The following EML4 variants were observed in gnomAD, a reference collection of about 807,000 sequenced individuals.
The protein encoded by EML4 is EMAP like 4.
In EML4, 72 loss-of-function variants were observed where a neutral mutation model predicts 129.0. The observed-to-expected ratio is 0.56, with a 90% confidence interval of 0.46 to 0.68. The LOEUF (loss-of-function observed/expected upper bound fraction) is 0.68. Among genes scored for constraint, EML4 ranks in the 30% least tolerant of loss-of-function variants. EML4 has a pLI of 0.00. For missense variants in EML4, 1,363 were observed against 1,190.6 expected (o/e 1.14, Z -2.13); for synonymous variants, 532 against 405.0 (o/e 1.31, Z -3.77).
At position 42,301,505 on chromosome 2, in the gene EML4, A is replaced by G. The variant is rs1668285605; in HGVS notation, c.1641+113A>G. 3.5e-6 allele frequency: 3 copies of G among 849,868 alleles called. No homozygotes were observed. In the South Asian group the frequency reaches 8.1e-5, roughly 23 times the overall value. The allele number at this position is 849,868 out of a possible 1,614,324, so 52.6% of individuals were successfully genotyped here. ...AAACTTATTAAATTCTTATAATTTC[A>G]TTTCCTTTCCTCAAGAAAGGAGTTT... On this transcript the variant is annotated intron_variant, in intron 14 of 22. Coordinates refer to ENST00000318522, the MANE Select transcript of EML4 (RefSeq NM_019063.5).
At chr2:42,181,186 G>C (rs1203091697) in intron 1 of EML4, among the ~76,000 whole-genome samples, 1 of 152,184 alleles carries the variant, frequency 6.6e-6, no homozygotes, top group Non-Finnish European at 1.5e-5. Context: ...GCTGGTAGTT[G>C]ATAGCTATTT....
intron 6 of EML4, among the ~76,000 whole-genome samples, chr2:42,275,923 C>A (rs576291880): frequency 1.3e-5 from 2 of 152,276 alleles, no homozygotes; most frequent in South Asian, 4.1e-4. Flanking sequence ...CTGCTTTGAT[C>A]AGTCCCATCG....
At chr2:42,211,108 T>G (rs181234055) in intron 1 of EML4, among the ~76,000 whole-genome samples, 2 of 152,200 alleles carry the variant, frequency 1.3e-5, no homozygotes, top group African/African-American at 4.8e-5. Context: ...TAACATTGAT[T>G]GAAATACCTA....
At chr2:42,265,815 T>G (rs1371652938) in intron 6 of EML4, among the ~76,000 whole-genome samples, 1 of 152,230 alleles carries the variant, frequency 6.6e-6, no homozygotes, top group Non-Finnish European at 1.5e-5. Context: ...TTATATTGAT[T>G]GTAACTTCTG....
chr2:42,215,912 A>G (rs1015770523), intron 1 of EML4, among the ~76,000 whole-genome samples: 6 of 151,838 alleles, frequency 4.0e-5, no homozygotes, highest in African/African-American at 1.5e-4. Flanking sequence ...GGAGAAACTC[A>G]TTTATCTTTT....
chr2:42,325,967 A>T (rs115941253), intron 20 of EML4, 187 bp from the exon 21 acceptor site: 1 of 466,740 alleles, frequency 2.1e-6, no homozygotes, highest in Non-Finnish European at 2.8e-6. Flanking sequence ...CTTCCATGGG[A>T]AACAGTTTGT....
intron 1 of EML4, among the ~76,000 whole-genome samples, chr2:42,225,502 T>G (rs1427641675): frequency 6.6e-6 from 1 of 152,172 alleles, no homozygotes; most frequent in Non-Finnish European, 1.5e-5. Flanking sequence ...AAGTATATTT[T>G]CACATTTAGT....
chr2:42,294,477 C>CTT (rs1667833235), intron 11 of EML4, among the ~76,000 whole-genome samples: 1 of 152,190 alleles, frequency 6.6e-6, no homozygotes, highest in African/African-American at 2.4e-5. Context: ...GGGCGGATGA[C>CTT]TTGAGGTCAG....
chr2:42,284,960 G>A (rs1033958698), intron 9 of EML4, among the ~76,000 whole-genome samples: 2 of 152,054 alleles, frequency 1.3e-5, no homozygotes, highest in Admixed American at 6.5e-5. Context: ...AAACTGATAC[G>A]CTCGTTACAT....
chr2:42,248,942 T>C (rs1160225875), intron 2 of EML4, among the ~76,000 whole-genome samples: 1 of 152,178 alleles, frequency 6.6e-6, no homozygotes, highest in East Asian at 1.9e-4. Flanking sequence ...AATAGTGATA[T>C]TAAGACATTG....
In EML4 at chr2:42,203,784, G is replaced by A. The variant is rs531048940; in HGVS notation, c.25+34148G>A. Among the ~76,000 whole-genome samples, 11 of 151,838 alleles carry A rather than the reference G, an allele frequency of 7.2e-5. No homozygotes were observed. The East Asian group carries it at 2.1e-3, about 29-fold the overall frequency. On this transcript the variant is annotated intron_variant, in intron 1 of 22. Coordinates refer to ENST00000318522, the MANE Select transcript of EML4 (RefSeq NM_019063.5). The stretch of plus-strand genomic sequence containing the variant: ...CACATGTATAGGCACAAAAAGGCCT[G>A]GACCTCAACAGTTTGATAGGGAAAG...
At chr2:42,205,141 A>G (rs1458332291) in intron 1 of EML4, among the ~76,000 whole-genome samples, 1 of 152,230 alleles carries the variant, frequency 6.6e-6, no homozygotes, top group Non-Finnish European at 1.5e-5. Flanking sequence ...AGGGTTCTCA[A>G]CAAAGATGAT....
intron 17 of EML4, among the ~76,000 whole-genome samples, chr2:42,305,798 A>T (rs1668565939): frequency 6.6e-6 from 1 of 152,186 alleles, no homozygotes; most frequent in Non-Finnish European, 1.5e-5. Flanking sequence ...GAACATGCTT[A>T]TGTAAATATT....
At chr2:42,244,514 T>G (rs553661256) in intron 1 of EML4, among the ~76,000 whole-genome samples, 1 of 152,248 alleles carries the variant, frequency 6.6e-6, no homozygotes, top group Non-Finnish European at 1.5e-5. Context: ...CTAAGCCTTA[T>G]TTGAATAGTC....
chr2:42,228,098 A>G (rs1010130677), intron 1 of EML4, among the ~76,000 whole-genome samples: 1 of 152,068 alleles, frequency 6.6e-6, no homozygotes. Context: ...TCACGCACCT[A>G]TAATCCCAGC....
chr2:42,280,641 A>G (rs562514419), intron 6 of EML4, among the ~76,000 whole-genome samples: 22 of 152,352 alleles, frequency 1.4e-4, no homozygotes, highest in African/African-American at 5.3e-4. Flanking sequence ...TTGAGCATCC[A>G]TGGATTTGGG....
At chr2:42,185,898 G>A (rs1219416776) in intron 1 of EML4, among the ~76,000 whole-genome samples, 1 of 152,174 alleles carries the variant, frequency 6.6e-6, no homozygotes, top group Non-Finnish European at 1.5e-5. Flanking sequence ...GTTTTCTTCA[G>A]TAGTGGGATA....
chr2:42,223,763 T>C (rs1056051456), intron 1 of EML4, among the ~76,000 whole-genome samples: 1 of 152,126 alleles, frequency 6.6e-6, no homozygotes, highest in Non-Finnish European at 1.5e-5. Context: ...TTTGGACAAT[T>C]TGAATAAATA....
chr2:42,271,633 A>G (rs7564734), intron 6 of EML4, among the ~76,000 whole-genome samples: 59,336 of 151,862 alleles, frequency 0.39, 14,780 homozygotes, highest in African/African-American at 0.71. Flanking sequence ...TCATTAGAGA[A>G]CGTTCTAATC....
Sources: gnomAD v4.1 joint callset for allele counts (sites outside exome capture counted in the v4.1 genomes callset) on GRCh38, gnomAD v4.1.1 for gene constraint, MANE v1.5 for transcripts, NCBI Gene and HGNC (gene_info 2026-07-23, HGNC 2026-07-21) for gene names.